The following SYNE2 variants were observed in gnomAD, a reference collection of about 807,000 sequenced individuals.
SYNE2 encodes nesprin-2.
Under a neutral mutation model 856.3 loss-of-function variants are expected in SYNE2, and 431 were observed. The observed-to-expected ratio is 0.50, with a 90% CI of 0.47 to 0.55. The LOEUF is 0.55. Ranked by LOEUF, SYNE2 falls within the 20% of genes least tolerant of loss-of-function variation. The probability of loss-of-function intolerance (pLI) is 0.00; values close to 1 mark genes in which losing one functional copy is unlikely to be tolerated. For synonymous variants in SYNE2, 2,923 were observed against 2,872.3 expected (o/e 1.02, Z -0.56); for missense variants, 8,129 against 8,023.2 (o/e 1.01, Z -0.50).
At chr14:64,118,518 G>A (rs962129462) in intron 66 of SYNE2, among the ~76,000 whole-genome samples, 4 of 152,256 alleles carry the variant, frequency 2.6e-5, no homozygotes, top group Non-Finnish European at 5.9e-5. Flanking sequence ...AAACAGTTAC[G>A]TGGAATTCTT....
In SYNE2 at chr14:64,212,824, A is replaced by C; in HGVS notation, c.18875A>C (p.Glu6292Ala). 1 of 1,614,254 alleles carries C rather than the reference A, an allele frequency of 6.2e-7. No homozygotes were observed. The highest frequency in any genetic ancestry group is 8.5e-7 in the Non-Finnish European group (1 of 1,180,040). ...CTCTCTCAACAGGGCTTCCAACAGGAAATTACATTAAATACCAACAAGATT... is the reference window on the plus strand; with the variant it reads ...CTCTCTCAACAGGGCTTCCAACAGGCAATTACATTAAATACCAACAAGATT... ...KMRQLNGFQQ[E>A]ITLNTNKIDQ... The change falls in exon 105 of 116, where the codon GAA becomes GCA. Residue 6292 changes from glutamate to alanine, a missense_variant. By Grantham distance (107) the Glu-to-Ala change is moderately radical. Transcript: ENST00000555002.
intron 1 of SYNE2, among the ~76,000 whole-genome samples, chr14:63,898,841 T>C (rs924999005): frequency 6.6e-6 from 1 of 152,238 alleles, no homozygotes; most frequent in African/African-American, 2.4e-5. Context: ...TGAAAAGTTT[T>C]CTTTTAAAAC....
At chr14:63,791,943 C>A (rs1206018072) in intron 1 of SYNE2, among the ~76,000 whole-genome samples, 1,116 of 118,938 alleles carry the variant, frequency 9.4e-3, no homozygotes, top group South Asian at 0.012. Flanking sequence ...GACTCCGTCT[C>A]AAAAAAAAAA....
intron 1 of SYNE2, among the ~76,000 whole-genome samples, chr14:63,875,246 T>G (rs1049022785): frequency 3.3e-5 from 5 of 152,178 alleles, no homozygotes; most frequent in Non-Finnish European, 5.9e-5. Context: ...ATCCTGATTT[T>G]ATTTTAGCAG....
chr14:64,206,516 A>G lies in SYNE2; in HGVS notation c.18202-2242A>G, dbSNP rs528340513. 4.6e-5 allele frequency among the ~76,000 whole-genome samples: 7 copies of G among 151,294 alleles called. No homozygotes were observed. In the South Asian group the frequency reaches 1.5e-3, roughly 31 times the overall value. Reference sequence around the variant, plus strand: ...TTGTGTGGTGTTTTACATGGTTTTTAAAAATTTTTTGAAAATGTTTTTTGA... The same window carrying G: ...TTGTGTGGTGTTTTACATGGTTTTTGAAAATTTTTTGAAAATGTTTTTTGA... On this transcript the variant is annotated intron_variant, in intron 100 of 115. Transcript: ENST00000555002.
At chr14:64,120,772 A>G (rs1567359711) in intron 67 of SYNE2, among the ~76,000 whole-genome samples, 155 bp from the exon 68 acceptor site, 1 of 152,182 alleles carries the variant, frequency 6.6e-6, no homozygotes, top group Non-Finnish European at 1.5e-5. Context: ...TCAAAAAACA[A>G]AAACAAAAAA....
At chr14:64,104,535 T>C (rs908668269) in intron 64 of SYNE2, among the ~76,000 whole-genome samples, 3 of 149,976 alleles carry the variant, frequency 2.0e-5, no homozygotes, top group South Asian at 4.3e-4. Context: ...CTGCAACCTC[T>C]GCCTCCTGGG....
At chr14:63,948,782 G>GTGTGTGTCTATA (rs1454688156) in intron 6 of SYNE2, among the ~76,000 whole-genome samples, 8 of 43,906 alleles carry the variant, frequency 1.8e-4, no homozygotes, top group African/African-American at 6.4e-4. Context: ...ATGTGTGTGT[G>GTGTGTGTCTATA]TATATATATA....
intron 6 of SYNE2, among the ~76,000 whole-genome samples, chr14:63,948,071 A>C (rs151015876): frequency 4.6e-5 from 7 of 151,954 alleles, no homozygotes; most frequent in Non-Finnish European, 8.8e-5. Flanking sequence ...AGTCTTCATT[A>C]TTATTTGCTT....
chr14:64,095,543 T>A (rs980085703), intron 61 of SYNE2, among the ~76,000 whole-genome samples: 1 of 152,214 alleles, frequency 6.6e-6, no homozygotes, highest in Admixed American at 6.5e-5. Context: ...TTAACACTTA[T>A]CTCTTCAGAA....
chr14:64,216,843 G>T (rs751852291), intron 108 of SYNE2, among the ~76,000 whole-genome samples: 2 of 152,184 alleles, frequency 1.3e-5, no homozygotes, highest in Non-Finnish European at 2.9e-5. Flanking sequence ...TCCTGCCTCA[G>T]CCTCCCAAGT....
In SYNE2 at chr14:64,056,278, T is replaced by A. The variant is rs2097267883; in HGVS notation, c.10067+12T>A. The A allele has an allele frequency of 6.2e-7, 1 of 1,607,066 alleles. No individual in the cohort carries two copies. Among genetic ancestry groups the A allele is most frequent in the African/African-American group, 1.3e-5 (1 of 74,732 alleles). ...ACTGAGGCAGAAAGGTAGGTCCTCT[T>A]CCAAAGGTAATCTTTAAGAACATAA... is the stretch of plus-strand genomic sequence containing the variant. On this transcript the variant is annotated intron_variant, in intron 49 of 115. Coordinates refer to ENST00000555002, the MANE Select transcript of SYNE2 (RefSeq NM_182914.3).
At chr14:63,858,905 A>G (rs1892702958) in intron 1 of SYNE2, among the ~76,000 whole-genome samples, 1 of 152,216 alleles carries the variant, frequency 6.6e-6, no homozygotes, top group African/African-American at 2.4e-5. Flanking sequence ...AATCTGCCTA[A>G]TTCAAAGTCA....
chr14:63,826,773 A>G (rs1889446878), intron 1 of SYNE2, among the ~76,000 whole-genome samples: 1 of 152,218 alleles, frequency 6.6e-6, no homozygotes, highest in African/African-American at 2.4e-5. Context: ...CTAGGGGGAT[A>G]TCTTTGTGAC....
intron 100 of SYNE2, among the ~76,000 whole-genome samples, chr14:64,206,810 C>A (rs1312636521): frequency 1.3e-5 from 2 of 150,026 alleles, no homozygotes; most frequent in Non-Finnish European, 2.9e-5. Flanking sequence ...AGGTCATGGG[C>A]ATTTTTCAGT....
intron 85 of SYNE2, 129 bp downstream of exon 85, chr14:64,152,845 A>G: frequency 8.4e-7 from 1 of 1,190,232 alleles, no homozygotes; most frequent in Non-Finnish European, 1.2e-6. Flanking sequence ...TGCTGAGAAA[A>G]ATTGAAGTAA....
intron 34 of SYNE2, among the ~76,000 whole-genome samples, chr14:64,018,583 C>A (rs4899131): frequency 1.3e-5 from 2 of 152,300 alleles, no homozygotes; most frequent in African/African-American, 4.8e-5. Context: ...AATATTTTAG[C>A]CTTGTGGATC....
Position 63,771,066 on chromosome 14 carries a change from CTTT to C in SYNE2, c.-305+9099_-305+9101del, listed in dbSNP as rs770101693. Among the ~76,000 whole-genome samples the C allele has an allele frequency of 6.9e-5, 8 of 116,304 alleles. No homozygotes were observed. In the East Asian group the frequency reaches 9.5e-4, roughly 14 times the overall value. The allele number at this position is 116,304 out of a possible 152,430, so 76.3% of individuals were successfully genotyped here. The stretch of plus-strand genomic sequence containing the variant: ...AGAGTCACAGAAACCCTTATACACT[CTTT>C]TTTTTTTTTTTTTTTTTTGAGACGG... On this transcript the variant is annotated intron_variant, in intron 1 of 23. Transcript: ENST00000674003.
At chr14:64,096,152 C>A (rs1028025319) in intron 61 of SYNE2, among the ~76,000 whole-genome samples, 3 of 152,182 alleles carry the variant, frequency 2.0e-5, no homozygotes, top group Middle Eastern at 6.3e-3. Flanking sequence ...TTATAAGTTA[C>A]CCAGTCACAG....
Sources: allele counts gnomAD v4.1 joint callset (sites outside exome capture counted in the v4.1 genomes callset), GRCh38; gene constraint gnomAD v4.1.1; transcripts MANE v1.5; gene names NCBI Gene and HGNC (gene_info 2026-07-23, HGNC 2026-07-21).